Variants in CAPZA1 observed in about 807,000 individuals in gnomAD.
CAPZA1 encodes the protein F-actin-capping protein subunit alpha-1.
Under a neutral mutation model 40.8 loss-of-function variants are expected in CAPZA1, and 10 were observed. That is an observed-to-expected ratio of 0.25 (90% CI 0.15 to 0.42). The LOEUF (loss-of-function observed/expected upper bound fraction) is 0.42. Ranked by LOEUF, CAPZA1 falls within the 10% of genes least tolerant of loss-of-function variation. The pLI is 1.00. For synonymous variants in CAPZA1, 98 were observed against 115.0 expected (o/e 0.85, Z 0.95); for missense variants, 277 against 353.8 (o/e 0.78, Z 1.74).
intron 7 of CAPZA1, among the ~76,000 whole-genome samples, chr1:112,665,177 T>TG (rs1018520984): frequency 1.5e-4 from 11 of 75,260 alleles, no homozygotes; most frequent in East Asian, 1.5e-3. Flanking sequence ...GGTTTTTTTG[T>TG]GTTTTTTTTT....
chr1:112,647,145 A>G, intron 1 of CAPZA1, 65 bp from the exon 2 acceptor site: 1 of 750,184 alleles, frequency 1.3e-6, no homozygotes, highest in Non-Finnish European at 2.1e-6. Context: ...TAATTTGTTA[A>G]TTATTTCTCC....
intron 1 of CAPZA1, chr1:112,646,706 T>C (rs1671287231): frequency 6.6e-6 from 1 of 152,100 alleles, no homozygotes; most frequent in Non-Finnish European, 1.5e-5. Flanking sequence ...TTAATAGTTT[T>C]GGTTTTTTAT....
intron 1 of CAPZA1, among the ~76,000 whole-genome samples, chr1:112,634,981 G>C (rs1217334035): frequency 6.6e-6 from 1 of 152,082 alleles, no homozygotes; most frequent in Non-Finnish European, 1.5e-5. Context: ...AAAGGATTTT[G>C]TAAATATTTA....
At chr1:112,630,937 A>G (rs182874378) in intron 1 of CAPZA1, among the ~76,000 whole-genome samples, 1 of 152,330 alleles carries the variant, frequency 6.6e-6, no homozygotes, top group East Asian at 1.9e-4. Flanking sequence ...GATGAATTGC[A>G]CTTTATATTA....
chr1:112,637,452 TTTTGTTG>T (rs1671042731), intron 1 of CAPZA1, among the ~76,000 whole-genome samples: 1 of 152,244 alleles, frequency 6.6e-6, no homozygotes, highest in Non-Finnish European at 1.5e-5. Flanking sequence ...TTTTGTTTTG[TTTTGTTG>T]TTTGTTGAGA....
intron 1 of CAPZA1, among the ~76,000 whole-genome samples, chr1:112,628,591 T>C (rs1670859558): frequency 1.3e-5 from 2 of 152,326 alleles, no homozygotes; most frequent in Non-Finnish European, 2.9e-5. Flanking sequence ...ATAATAGGCA[T>C]ATGTACCCAA....
intron 7 of CAPZA1, among the ~76,000 whole-genome samples, chr1:112,662,395 C>CTTTTTTTTTTTTTTT (rs35100851): frequency 1.0e-5 from 1 of 97,260 alleles, no homozygotes; most frequent in African/African-American, 4.0e-5. Flanking sequence ...TAGAATTTTT[C>CTTTTTTTTTTTTTTT]TTTTTTTTTT....
At chr1:112,627,000 T>C (rs1670820438) in intron 1 of CAPZA1, among the ~76,000 whole-genome samples, 1 of 152,224 alleles carries the variant, frequency 6.6e-6, no homozygotes, top group South Asian at 2.1e-4. Context: ...AAGTGCTTCT[T>C]TTGTGCTAAC....
intron 5 of CAPZA1, 117 bp downstream of exon 5, chr1:112,654,788 CT>C: frequency 1.7e-6 from 1 of 598,038 alleles, no homozygotes; most frequent in East Asian, 2.7e-5. Context: ...CTCTTCTCCT[CT>C]GCATTTTATT....
chr1:112,659,352 TA>T (rs1671557593), intron 6 of CAPZA1: 1 of 543,762 alleles, frequency 1.8e-6, no homozygotes, highest in African/African-American at 1.9e-5. Context: ...TTACTTGGCT[TA>T]GGGTTACTGC....
chr1:112,651,861 AT>A (rs1557734280), intron 3 of CAPZA1, among the ~76,000 whole-genome samples: 1 of 152,162 alleles, frequency 6.6e-6, no homozygotes, highest in Non-Finnish European at 1.5e-5. Flanking sequence ...CACACCTGTA[AT>A]CCCAGCACTT....
At chr1:112,643,733 C>G (rs1011620265) in intron 1 of CAPZA1, among the ~76,000 whole-genome samples, 1 of 152,198 alleles carries the variant, frequency 6.6e-6, no homozygotes, top group Non-Finnish European at 1.5e-5. Flanking sequence ...CCTTTCTTGA[C>G]TAACGGTTTC....
At chr1:112,631,748 T>C (rs1670921282) in intron 1 of CAPZA1, among the ~76,000 whole-genome samples, 1 of 152,204 alleles carries the variant, frequency 6.6e-6, no homozygotes, top group Non-Finnish European at 1.5e-5. Flanking sequence ...TTATTTATTC[T>C]TGGGCAACCT....
chr1:112,666,367 C>A (rs1328124154), intron 7 of CAPZA1, among the ~76,000 whole-genome samples: 1 of 152,164 alleles, frequency 6.6e-6, no homozygotes. Context: ...ATACCCTCAT[C>A]CTATTGTGTA....
chr1:112,667,000 C>T lies in CAPZA1; in HGVS notation c.586-74C>T. The stretch of plus-strand genomic sequence containing the variant: ...TCATCAACTTAAAGATAGCTTAAAG[C>T]ATGGATTTGTGTCCTAAATAACAGG... On this transcript the variant is annotated intron_variant, in intron 7 of 9. Transcript: ENST00000263168. 3 of 993,164 alleles carry T rather than the reference C, an allele frequency of 3.0e-6. No homozygotes were observed. The East Asian group carries it at 7.3e-5, about 24-fold the overall frequency. 61.5% of individuals were successfully genotyped at this position (993,164 alleles called of 1,614,324 possible).
intron 1 of CAPZA1, among the ~76,000 whole-genome samples, chr1:112,646,427 C>T (rs945925442): frequency 5.9e-5 from 9 of 151,802 alleles, no homozygotes; most frequent in Middle Eastern, 3.2e-3. Context: ...ATAAAAATTA[C>T]GAAGTTAGGT....
At chr1:112,653,122 C>G (rs1671429008) in intron 3 of CAPZA1, among the ~76,000 whole-genome samples, 1 of 152,216 alleles carries the variant, frequency 6.6e-6, no homozygotes, top group Non-Finnish European at 1.5e-5. Context: ...CTGAAAGCTT[C>G]TGCCCAAATG....
At position 112,638,932 on chromosome 1, in the gene CAPZA1, A is replaced by ATATAGG. The variant is rs1553179166; in HGVS notation, c.40-8272_40-8267dup. On this transcript the variant is annotated intron_variant, in intron 1 of 9. Coordinates refer to ENST00000263168, the MANE Select transcript of CAPZA1 (RefSeq NM_006135.3). ...GATATAGATATAGATATAGATATAG[A>ATATAGG]TATAGGTATAGATATAGAGATAGAG... 3.8e-3 allele frequency among the ~76,000 whole-genome samples: 440 copies of ATATAGG among 117,254 alleles called. 4 individuals are homozygous for ATATAGG. Among genetic ancestry groups the ATATAGG allele is most frequent in the Admixed American group, 9.7e-3 (113 of 11,610 alleles). 76.9% of individuals were successfully genotyped at this position (117,254 alleles called of 152,430 possible).
chr1:112,663,607 T>G (rs529661276), intron 7 of CAPZA1, among the ~76,000 whole-genome samples: 43 of 152,206 alleles, frequency 2.8e-4, no homozygotes, highest in African/African-American at 9.4e-4. Flanking sequence ...CTTCAAGTGA[T>G]TCTCCTGTCT....
Sources: gnomAD v4.1 joint callset for allele counts (sites outside exome capture counted in the v4.1 genomes callset) on GRCh38, gnomAD v4.1.1 for gene constraint, MANE v1.5 for transcripts, NCBI Gene and HGNC (gene_info 2026-07-23, HGNC 2026-07-21) for gene names.